ROBO2: variants seen among roughly 807,000 people sequenced by gnomAD.
The protein encoded by ROBO2 is roundabout guidance receptor 2.
Under a neutral mutation model 160.8 loss-of-function variants are expected in ROBO2, and 53 were observed. The observed-to-expected ratio is 0.33, with a 90% CI of 0.26 to 0.41. The LOEUF (loss-of-function observed/expected upper bound fraction) is 0.41, where lower values mean the gene tolerates loss of function less well. Ranked by LOEUF, ROBO2 falls within the 10% of genes least tolerant of loss-of-function variation. The pLI is 1.00. For synonymous variants in ROBO2, 664 were observed against 611.7 expected, an observed-to-expected ratio of 1.09 and a Z score of -1.26; for missense variants, 1,577 against 1,722.4, an observed-to-expected ratio of 0.92 and a Z score of 1.49.
intron 2 of ROBO2, among the ~76,000 whole-genome samples, chr3:77,255,846 G>A (rs2058374543): frequency 2.0e-5 from 3 of 152,186 alleles, no homozygotes; most frequent in Admixed American, 1.3e-4. Flanking sequence ...TCTCGTCAAA[G>A]GAAATCCTAT....
rs572340107 is a variant in ROBO2, at chr3:77,341,193, A to G, written c.389-136221A>G. 1.3e-4 allele frequency among the ~76,000 whole-genome samples: 20 copies of G among 152,190 alleles called. 1 individual carries two copies. The highest frequency in any genetic ancestry group is 4.6e-4 in the African/African-American group (19 of 41,546). On this transcript the variant is annotated intron_variant, in intron 2 of 25. Coordinates refer to ENST00000461745, the Ensembl canonical transcript of ROBO2. Reference sequence around the variant, plus strand: ...CATTTACATTCTGGCCCTTAACAGAACAAGTTTGCCGATTCCATTGTTTGA... The same window carrying G: ...CATTTACATTCTGGCCCTTAACAGAGCAAGTTTGCCGATTCCATTGTTTGA...
At chr3:76,436,290 C>T (rs189060908) in intron 2 of ROBO2, among the ~76,000 whole-genome samples, 6 of 152,110 alleles carry the variant, frequency 3.9e-5, no homozygotes, top group African/African-American at 4.8e-5. Context: ...CATGCTGGTG[C>T]GCTGCACCAT....
intron 2 of ROBO2, chr3:76,435,052 C>T: frequency 8.5e-7 from 1 of 1,175,172 alleles, no homozygotes; most frequent in Non-Finnish European, 1.3e-6. Flanking sequence ...AAACAAATGG[C>T]TTACATATAC....
At chr3:76,471,010 T>TAAA (rs201380357) in intron 2 of ROBO2, among the ~76,000 whole-genome samples, 3,413 of 152,284 alleles carry the variant, frequency 0.022, 119 homozygotes, top group African/African-American at 0.076. Flanking sequence ...TATTTGTTTT[T>TAAA]TATTTGCTAG....
chr3:77,578,069 T>C (rs930414618), intron 15 of ROBO2, among the ~76,000 whole-genome samples: 1 of 152,124 alleles, frequency 6.6e-6, no homozygotes, highest in African/African-American at 2.4e-5. Context: ...AGATGCTACT[T>C]TTGTGTATTT....
chr3:77,111,639 A>C (rs9881810), intron 2 of ROBO2, among the ~76,000 whole-genome samples: 3 of 152,062 alleles, frequency 2.0e-5, no homozygotes, highest in Non-Finnish European at 4.4e-5. Flanking sequence ...GTTACATCGC[A>C]GTTTTTTAGT....
intron 2 of ROBO2, among the ~76,000 whole-genome samples, chr3:76,349,289 T>G (rs1175641557): frequency 6.6e-6 from 1 of 152,150 alleles, no homozygotes; most frequent in African/African-American, 2.4e-5. Context: ...TAGTTTGTTT[T>G]ATATACTCCT....
intron 3 of ROBO2, among the ~76,000 whole-genome samples, chr3:77,480,084 G>C (rs2084501016): frequency 6.6e-6 from 1 of 152,070 alleles, no homozygotes; most frequent in South Asian, 2.1e-4. Context: ...TTGAGAACAG[G>C]TTAATGGTCT....
chr3:75,908,108 A>G (rs1266852082), intron 1 of ROBO2, among the ~76,000 whole-genome samples: 1 of 152,158 alleles, frequency 6.6e-6, no homozygotes, highest in Non-Finnish European at 1.5e-5. Context: ...GTCACATGAC[A>G]CACTGTGGAT....
chr3:76,815,207 T>G (rs1342470146), intron 2 of ROBO2, among the ~76,000 whole-genome samples: 1 of 152,034 alleles, frequency 6.6e-6, no homozygotes, highest in Non-Finnish European at 1.5e-5. Flanking sequence ...GCTGGAATTC[T>G]AAATATAAAA....
chr3:76,980,776 A>T (rs2060057620), intron 2 of ROBO2, among the ~76,000 whole-genome samples: 1 of 152,070 alleles, frequency 6.6e-6, no homozygotes, highest in Admixed American at 6.6e-5. Flanking sequence ...TGCTATGCAA[A>T]ATTTACCACA....
At chr3:76,101,036 A>C (rs1035661943) in intron 2 of ROBO2, among the ~76,000 whole-genome samples, 15 of 152,242 alleles carry the variant, frequency 9.9e-5, no homozygotes, top group Non-Finnish European at 2.1e-4. Flanking sequence ...TAAAAAAAAA[A>C]CAGAGAGCCA....
At chr3:77,428,790 T>A (rs1042367973) in intron 2 of ROBO2, among the ~76,000 whole-genome samples, 2 of 152,204 alleles carry the variant, frequency 1.3e-5, no homozygotes, top group Admixed American at 6.5e-5. Flanking sequence ...TTAGTAGTCA[T>A]GTTGATCTAT....
intron 2 of ROBO2, among the ~76,000 whole-genome samples, chr3:77,251,343 A>G (rs560546092): frequency 6.6e-6 from 1 of 152,268 alleles, no homozygotes; most frequent in East Asian, 1.9e-4. Flanking sequence ...ACTCGCTTGA[A>G]TTACAAGTGT....
chr3:76,113,938 C>T (rs537858647), intron 2 of ROBO2, among the ~76,000 whole-genome samples: 2 of 152,278 alleles, frequency 1.3e-5, no homozygotes, highest in East Asian at 3.9e-4. Context: ...TTCTTGCCCC[C>T]TCTCTTGCCA....
At chr3:76,331,841 G>A (rs1345616266) in intron 2 of ROBO2, among the ~76,000 whole-genome samples, 2 of 151,658 alleles carry the variant, frequency 1.3e-5, no homozygotes, top group East Asian at 1.9e-4. Flanking sequence ...CCACCACTAC[G>A]CCTGGCTAGT....
At chr3:76,622,905 C>T (rs1228485638) in intron 2 of ROBO2, among the ~76,000 whole-genome samples, 1 of 152,132 alleles carries the variant, frequency 6.6e-6, no homozygotes, top group Non-Finnish European at 1.5e-5. Flanking sequence ...GCGCTGAGGT[C>T]CTGATATCCA....
At chr3:76,043,922 C>T (rs1401026905) in intron 2 of ROBO2, among the ~76,000 whole-genome samples, 1 of 151,966 alleles carries the variant, frequency 6.6e-6, no homozygotes, top group Non-Finnish European at 1.5e-5. Context: ...GTCTTTTCTA[C>T]CTCCTTCCCT....
chr3:75,911,132 C>T (rs1946562984), intron 1 of ROBO2, among the ~76,000 whole-genome samples: 2 of 151,850 alleles, frequency 1.3e-5, no homozygotes. Flanking sequence ...AAATTTGCAA[C>T]CAAATAGGAC....
Sources: allele counts gnomAD v4.1 joint callset (sites outside exome capture counted in the v4.1 genomes callset), GRCh38; gene constraint gnomAD v4.1.1; transcripts MANE v1.5; gene names NCBI Gene and HGNC (gene_info 2026-07-23, HGNC 2026-07-21).